DOCK5: variants seen among roughly 807,000 people sequenced by gnomAD.
DOCK5 encodes dedicator of cytokinesis protein 5.
DOCK5 carries 142 observed loss-of-function variants against 251.8 expected under a neutral mutation model. That is an observed-to-expected ratio of 0.56 (90% CI 0.49 to 0.65). The LOEUF (loss-of-function observed/expected upper bound fraction) is 0.65. DOCK5 is among the 30% of genes least tolerant of loss of function. The pLI is 0.00. For missense variants in DOCK5, 2,111 were observed against 2,312.3 expected (o/e 0.91, Z 1.79); for synonymous variants, 842 against 835.5 (o/e 1.01, Z -0.13).
Position 25,334,210 on chromosome 8 carries a change from G to A in DOCK5, c.2192+14G>A. ...TTTGGCATATGTGTAAGTATGATCT[G>A]AAGGAACTACATGTTGTTGGATCTT... On this transcript the variant is annotated intron_variant, in intron 21 of 51. Transcript: ENST00000276440. 2 of 1,591,202 alleles carry A rather than the reference G, an allele frequency of 1.3e-6. No homozygotes were observed. The highest frequency in any genetic ancestry group is 1.7e-5 in the Admixed American group (1 of 60,004).
chr8:25,241,823 T>TA (rs59136868), intron 1 of DOCK5, among the ~76,000 whole-genome samples: 2 of 151,868 alleles, frequency 1.3e-5, no homozygotes, highest in African/African-American at 4.8e-5. Context: ...TATGCAACCA[T>TA]AAAAAAAGGA....
intron 5 of DOCK5, among the ~76,000 whole-genome samples, chr8:25,280,360 A>G (rs1364125829): frequency 6.6e-6 from 1 of 152,212 alleles, no homozygotes; most frequent in African/African-American, 2.4e-5. Flanking sequence ...GTTACTGGGA[A>G]TACCTCACTC....
chr8:25,399,428 C>T (rs960965783), intron 45 of DOCK5, among the ~76,000 whole-genome samples: 1 of 152,128 alleles, frequency 6.6e-6, no homozygotes, highest in African/African-American at 2.4e-5. Context: ...AAATATTAAC[C>T]TTCACTTAAT....
chr8:25,217,691 A>G (rs1235602200), intron 1 of DOCK5, among the ~76,000 whole-genome samples: 2 of 152,212 alleles, frequency 1.3e-5, no homozygotes, highest in Non-Finnish European at 2.9e-5. Flanking sequence ...CACCTGCAAG[A>G]AGGGGACCAT....
chr8:25,373,430 A>G (rs760488937), intron 35 of DOCK5, among the ~76,000 whole-genome samples, 188 bp from the exon 36 acceptor site: 9 of 152,126 alleles, frequency 5.9e-5, no homozygotes, highest in Non-Finnish European at 8.8e-5. Context: ...AGTCCATTAT[A>G]TCACTCTTGT....
chr8:25,401,893 A>C, intron 47 of DOCK5, among the ~76,000 whole-genome samples: 1 of 152,234 alleles, frequency 6.6e-6, no homozygotes. Flanking sequence ...TTTGAAGGGA[A>C]GAAGGAATTG....
chr8:25,304,306 A>T lies in DOCK5; in HGVS notation c.1028A>T (p.Gln343Leu). 1 of 1,610,674 alleles carries T rather than the reference A, an allele frequency of 6.2e-7. No individual in the cohort carries two copies. ...IHGKVDDEEK[Q>L]HFIPFQQIAM... ...GGGAAGGTGGATGATGAAGAAAAGCAGCATTTTATTCCCTTTCAGCAGTAA... is the reference window on the plus strand; with the variant it reads ...GGGAAGGTGGATGATGAAGAAAAGCTGCATTTTATTCCCTTTCAGCAGTAA... The change falls in exon 11 of 52, where the codon CAG becomes CTG. Residue 343 changes from glutamine (Q) to leucine (L), a missense_variant. Physicochemically the swap from Gln to Leu is moderately radical, Grantham distance 113. This residue lies in a region of DOCK5 where 1,717 missense variants were observed against 1,892.4 expected (regional missense o/e 0.91). Coordinates refer to ENST00000276440, the MANE Select transcript of DOCK5 (RefSeq NM_024940.8).
In DOCK5 at chr8:25,337,234, G is replaced by A. The variant is rs555630012; in HGVS notation, c.2327+861G>A. 6.6e-5 allele frequency among the ~76,000 whole-genome samples: 10 copies of A among 151,918 alleles called. No homozygotes were observed. In the East Asian group the frequency reaches 7.7e-4, roughly 12 times the overall value. ...CTATCAAAAGAATTTTGATACAGAC[G>A]CACACACATGCATGCACACACACAC... is the stretch of plus-strand genomic sequence containing the variant. On this transcript the variant is annotated intron_variant, in intron 22 of 51. Transcript: ENST00000276440.
chr8:25,385,729 A>G (rs1801154145), intron 40 of DOCK5, among the ~76,000 whole-genome samples: 1 of 152,214 alleles, frequency 6.6e-6, no homozygotes, highest in Non-Finnish European at 1.5e-5. Context: ...TAAACTATTT[A>G]GTATGAGAGA....
chr8:25,316,571 A>G (rs1385316407), intron 13 of DOCK5, among the ~76,000 whole-genome samples: 1 of 152,210 alleles, frequency 6.6e-6, no homozygotes, highest in Non-Finnish European at 1.5e-5. Context: ...TCTATAATCG[A>G]TTACATTAAT....
chr8:25,407,856 C>T, intron 48 of DOCK5, 127 bp from the exon 49 acceptor site: 1 of 1,020,438 alleles, frequency 9.8e-7, no homozygotes, highest in Non-Finnish European at 1.3e-6. Context: ...GGGAGAAAGA[C>T]CCTGTCTCAA....
intron 1 of DOCK5, among the ~76,000 whole-genome samples, chr8:25,216,983 A>G (rs1405897691): frequency 4.2e-5 from 4 of 94,354 alleles, no homozygotes; most frequent in Non-Finnish European, 6.3e-5. Context: ...TGTGTATACA[A>G]TATGTATAGA....
At chr8:25,240,986 G>T (rs1450260195) in intron 1 of DOCK5, among the ~76,000 whole-genome samples, 1 of 152,150 alleles carries the variant, frequency 6.6e-6, no homozygotes, top group Non-Finnish European at 1.5e-5. Context: ...GCCTCCATCT[G>T]CATGTCGCCT....
chr8:25,257,943 A>T (rs748545931), intron 2 of DOCK5, among the ~76,000 whole-genome samples: 3 of 152,164 alleles, frequency 2.0e-5, no homozygotes, highest in Non-Finnish European at 4.4e-5. Context: ...ACCACAGAAG[A>T]GGAAAGTTAG....
At chr8:25,407,402 T>C (rs1487599376) in intron 48 of DOCK5, among the ~76,000 whole-genome samples, 3 of 152,166 alleles carry the variant, frequency 2.0e-5, no homozygotes, top group Non-Finnish European at 4.4e-5. Context: ...CTTTAAAGAT[T>C]CTGTCTTTGC....
chr8:25,332,692 G>A lies in DOCK5; in HGVS notation c.2091G>A (p.Leu697=). 6.2e-7 allele frequency: 1 copy of A among 1,608,012 alleles called. No individual in the cohort carries two copies. The highest frequency in any genetic ancestry group is 8.5e-7 in the Non-Finnish European group (1 of 1,177,166). The change falls in exon 20 of 52, where the codon CTG becomes CTA. Residue 697 remains leucine, a splice_region_variant and synonymous_variant. Coordinates refer to ENST00000276440, the MANE Select transcript of DOCK5 (RefSeq NM_024940.8). ...ATGACTTCCTTGTGTTTGACGCACT[G>A]GTAAGCAGTTAAACATATTAACTAG... ...ETYDFLVFDA[L]VFIISLIGDI...
At position 25,242,154 on chromosome 8, in the gene DOCK5, A is replaced by T. The variant is rs536373415; in HGVS notation, c.44-1520A>T. On this transcript the variant is annotated intron_variant, in intron 1 of 51. Coordinates refer to ENST00000276440, the MANE Select transcript of DOCK5 (RefSeq NM_024940.8). The stretch of plus-strand genomic sequence containing the variant: ...ATATCCCAGAGCTTAAAGAATAATT[A>T]AAAAAAAAACCTTAACTTAATCAAC... 7.4e-5 allele frequency among the ~76,000 whole-genome samples: 11 copies of T among 149,558 alleles called. 1 individual carries two copies. The highest frequency in any genetic ancestry group is 2.0e-4 in the East Asian group (1 of 5,118).
chr8:25,320,050 C>T (rs1029986476), intron 15 of DOCK5, among the ~76,000 whole-genome samples: 1 of 152,160 alleles, frequency 6.6e-6, no homozygotes, highest in African/African-American at 2.4e-5. Context: ...TTACACATTC[C>T]AAAGTGCTTT....
intron 1 of DOCK5, among the ~76,000 whole-genome samples, chr8:25,239,607 A>ATGAGG (rs769485750): frequency 5.3e-5 from 8 of 152,112 alleles, no homozygotes; most frequent in Non-Finnish European, 1.2e-4. Context: ...TGTCAAGGAT[A>ATGAGG]TGAGGTCTGC....
Sources: gnomAD v4.1 joint callset for allele counts (sites outside exome capture counted in the v4.1 genomes callset) on GRCh38, gnomAD v4.1.1 for gene constraint, gnomAD v4.1.1 regional missense constraint, MANE v1.5 for transcripts, NCBI Gene and HGNC (gene_info 2026-07-23, HGNC 2026-07-21) for gene names.